LRMDA: variants seen among roughly 807,000 people sequenced by gnomAD.
The protein encoded by LRMDA is leucine rich melanocyte differentiation associated, also known as leucine-rich melanocyte differentiation-associated protein.
A neutral mutation model predicts 29.8 loss-of-function variants in LRMDA; 18 were observed. The ratio of observed to expected loss-of-function variants is 0.60; its 90% CI spans 0.42 to 0.90. LRMDA has a LOEUF of 0.90. Among genes scored for constraint, LRMDA ranks in the 40% least tolerant of loss-of-function variants. The pLI is 0.00. For synonymous variants in LRMDA, 125 were observed against 109.4 expected, an observed-to-expected ratio of 1.14 and a Z score of -0.89; for missense variants, 273 against 273.9, an observed-to-expected ratio of 1.00 and a Z score of 0.02.
chr10:75,442,839 A>G (rs572090925), intron 2 of LRMDA, among the ~76,000 whole-genome samples: 1 of 152,182 alleles, frequency 6.6e-6, no homozygotes, highest in East Asian at 1.9e-4. Context: ...TTTAGGTCAT[A>G]TGGGATATCT....
chr10:75,682,526 A>G (rs1344689135), intron 2 of LRMDA, among the ~76,000 whole-genome samples: 2 of 152,154 alleles, frequency 1.3e-5, no homozygotes, highest in Admixed American at 6.5e-5. Flanking sequence ...ACATATATGT[A>G]GACACTATAT....
chr10:76,307,613 G>T (rs933996372), intron 5 of LRMDA, among the ~76,000 whole-genome samples: 1 of 152,122 alleles, frequency 6.6e-6, no homozygotes, highest in Non-Finnish European at 1.5e-5. Flanking sequence ...TCAGGTAGAG[G>T]GTTCTTTCTC....
chr10:76,446,883 T>C (rs1034259404), intron 6 of LRMDA, among the ~76,000 whole-genome samples: 1 of 152,242 alleles, frequency 6.6e-6, no homozygotes, highest in African/African-American at 2.4e-5. Flanking sequence ...TTTATTATGC[T>C]CAGCTGAGTT....
chr10:76,306,284 C>A (rs1840555076), intron 5 of LRMDA, among the ~76,000 whole-genome samples: 1 of 152,230 alleles, frequency 6.6e-6, no homozygotes, highest in African/African-American at 2.4e-5. Context: ...CTGATATAGA[C>A]ACTGAGAGCA....
At chr10:76,427,255 T>C (rs1275974016) in intron 6 of LRMDA, among the ~76,000 whole-genome samples, 1 of 152,026 alleles carries the variant, frequency 6.6e-6, no homozygotes, top group African/African-American at 2.4e-5. Flanking sequence ...TTCTTCCATT[T>C]GTTTGTATCC....
intron 2 of LRMDA, among the ~76,000 whole-genome samples, chr10:75,490,816 A>G (rs1477838258): frequency 6.6e-6 from 1 of 152,216 alleles, no homozygotes; most frequent in Non-Finnish European, 1.5e-5. Flanking sequence ...GGGTATCACT[A>G]ATACGCCTCT....
intron 6 of LRMDA, among the ~76,000 whole-genome samples, chr10:76,363,287 G>A (rs1841351009): frequency 7.2e-6 from 1 of 139,482 alleles, no homozygotes; most frequent in African/African-American, 2.7e-5. Flanking sequence ...AAGGAAGGAA[G>A]GAAGGAAGGA....
At chr10:75,441,453 C>T (rs1311802633) in intron 2 of LRMDA, among the ~76,000 whole-genome samples, 1 of 152,210 alleles carries the variant, frequency 6.6e-6, no homozygotes. Context: ...CTTGTACTGC[C>T]AGCTGAAGGT....
chr10:75,585,415 A>G (rs1391512283), intron 2 of LRMDA, among the ~76,000 whole-genome samples: 1 of 152,154 alleles, frequency 6.6e-6, no homozygotes, highest in Non-Finnish European at 1.5e-5. Flanking sequence ...GGTTGTTTGC[A>G]GTTTTTGGTT....
chr10:76,530,301 A>G (rs940104552), intron 6 of LRMDA, among the ~76,000 whole-genome samples: 2 of 152,204 alleles, frequency 1.3e-5, no homozygotes, highest in African/African-American at 4.8e-5. Flanking sequence ...ACTGAGGAAT[A>G]TAGGAAGAGA....
chr10:76,115,554 G>A (rs1849655123), intron 5 of LRMDA, among the ~76,000 whole-genome samples: 1 of 152,246 alleles, frequency 6.6e-6, no homozygotes, highest in Non-Finnish European at 1.5e-5. Context: ...GGGAGGAGGT[G>A]CAGGGAGACA....
chr10:76,363,178 G>GA (rs1564520675), intron 6 of LRMDA, among the ~76,000 whole-genome samples: 780 of 12,220 alleles, frequency 0.064, 47 homozygotes, highest in East Asian at 0.11. Flanking sequence ...AGAAAGAAAG[G>GA]AGGGAGGGAG....
intron 6 of LRMDA, among the ~76,000 whole-genome samples, chr10:76,462,507 A>G (rs1037996085): frequency 6.6e-5 from 10 of 152,160 alleles, no homozygotes; most frequent in African/African-American, 1.2e-4. Context: ...TCGATGCCCA[A>G]TCTCACTTCC....
At chr10:76,091,276 C>CATGT (rs919922502) in intron 5 of LRMDA, among the ~76,000 whole-genome samples, 23 of 146,908 alleles carry the variant, frequency 1.6e-4, no homozygotes, top group African/African-American at 5.5e-4. Context: ...ACATGGTGGA[C>CATGT]GTGTGTGTGT....
intron 2 of LRMDA, among the ~76,000 whole-genome samples, chr10:75,583,237 A>G (rs758287662): frequency 6.6e-6 from 1 of 152,070 alleles, no homozygotes; most frequent in African/African-American, 2.4e-5. Flanking sequence ...AATTTTCTGT[A>G]TTGGTCCATT....
At chr10:76,112,159 A>AGCTGGCG (rs1390376749) in intron 5 of LRMDA, among the ~76,000 whole-genome samples, 3 of 152,060 alleles carry the variant, frequency 2.0e-5, no homozygotes, top group Non-Finnish European at 4.4e-5. Context: ...AGCCTGGAGG[A>AGCTGGCG]GCTGGCGGGA....
intron 2 of LRMDA, among the ~76,000 whole-genome samples, chr10:75,645,056 C>A (rs1272513008): frequency 6.6e-6 from 1 of 151,364 alleles, no homozygotes; most frequent in African/African-American, 2.4e-5. Context: ...GATCTCAGCT[C>A]ACTGCAACCT....
At chr10:75,616,148 G>A (rs111975955) in intron 2 of LRMDA, among the ~76,000 whole-genome samples, 1,746 of 152,276 alleles carry the variant, frequency 0.011, 22 homozygotes, top group Admixed American at 0.024. Context: ...CATGGCAGCA[G>A]GCAAGGCAGG....
Position 75,867,408 on chromosome 10 carries a change from G to A in LRMDA, c.132-168600G>A, listed in dbSNP as rs575968576. On this transcript the variant is annotated intron_variant, in intron 2 of 6. Coordinates refer to ENST00000611255, the MANE Select transcript of LRMDA (RefSeq NM_001305581.2). ...GATCTCTTGACCTTGTGATCTGCCCGCCTCGGCCTCCCAAAGTGCTGGGAT... is the reference window on the plus strand; with the variant it reads ...GATCTCTTGACCTTGTGATCTGCCCACCTCGGCCTCCCAAAGTGCTGGGAT... Among the ~76,000 whole-genome samples the A allele has an allele frequency of 2.6e-5, 4 of 152,234 alleles. No individual in the cohort carries two copies. The South Asian group carries it at 8.3e-4, about 32-fold the overall frequency.
Sources: allele counts gnomAD v4.1 joint callset (sites outside exome capture counted in the v4.1 genomes callset), GRCh38; gene constraint gnomAD v4.1.1; transcripts MANE v1.5; gene names NCBI Gene and HGNC (gene_info 2026-07-23, HGNC 2026-07-21).